MAP3K20: variants seen among roughly 807,000 people sequenced by gnomAD.
MAP3K20 encodes the protein mitogen-activated protein kinase kinase kinase 20.
In MAP3K20, 40 loss-of-function variants were observed where a neutral mutation model predicts 85.7. The ratio of observed to expected loss-of-function variants is 0.47; its 90% CI spans 0.36 to 0.61. MAP3K20 has a LOEUF of 0.61. MAP3K20 is among the 20% of genes least tolerant of loss of function. The pLI, the probability that MAP3K20 is intolerant of heterozygous loss-of-function variation, is 0.00. For synonymous variants in MAP3K20, 325 were observed against 327.7 expected (o/e 0.99, Z 0.09); for missense variants, 817 against 961.7 (o/e 0.85, Z 1.99).
At chr2:173,230,141 GT>G (rs1369599856) in intron 12 of MAP3K20, among the ~76,000 whole-genome samples, 2 of 151,912 alleles carry the variant, frequency 1.3e-5, no homozygotes, top group Non-Finnish European at 2.9e-5. Context: ...CTTTTTTTCT[GT>G]TTTTAATGCA....
At chr2:173,100,483 G>A (rs541898680) in intron 2 of MAP3K20, among the ~76,000 whole-genome samples, 19 of 152,232 alleles carry the variant, frequency 1.2e-4, no homozygotes, top group South Asian at 1.2e-3. Context: ...GTATTGTGTC[G>A]CAGTGGACAT....
chr2:173,232,582 C>A, intron 14 of MAP3K20, 123 bp downstream of exon 14: 1 of 1,395,992 alleles, frequency 7.2e-7, no homozygotes, highest in Non-Finnish European at 9.7e-7. Context: ...TGGCTCGTTG[C>A]ACCCTCCGCC....
chr2:173,147,019 T>C (rs966399192), intron 2 of MAP3K20, among the ~76,000 whole-genome samples: 1 of 152,246 alleles, frequency 6.6e-6, no homozygotes, highest in African/African-American at 2.4e-5. Flanking sequence ...TGGATACTTA[T>C]TTGAATTCTT....
intron 2 of MAP3K20, among the ~76,000 whole-genome samples, chr2:173,128,885 C>CAA (rs1271921984): frequency 1.3e-5 from 2 of 148,848 alleles, no homozygotes; most frequent in African/African-American, 4.9e-5. Flanking sequence ...TTCAAGGAAC[C>CAA]AAAAACATTC....
chr2:173,143,806 G>A (rs1689045189), intron 2 of MAP3K20, among the ~76,000 whole-genome samples: 1 of 152,018 alleles, frequency 6.6e-6, no homozygotes, highest in Non-Finnish European at 1.5e-5. Context: ...TACTAGGACT[G>A]ATCAATTTAT....
chr2:173,123,929 A>T (rs74827629), intron 2 of MAP3K20, among the ~76,000 whole-genome samples: 1 of 152,148 alleles, frequency 6.6e-6, no homozygotes. Context: ...GCTTCATTGC[A>T]CTCAAAAGAA....
intron 4 of MAP3K20, among the ~76,000 whole-genome samples, chr2:173,183,179 A>G (rs916480044): frequency 1.5e-4 from 23 of 152,064 alleles, no homozygotes; most frequent in African/African-American, 4.8e-4. Flanking sequence ...CTTTATTTCT[A>G]TCCACGAAAT....
rs57836780 is a variant in MAP3K20, at chr2:173,173,154, CTGTGTGTGTGTG to C, written c.247+3294_247+3305del. ...CTGTACTACTCCCATTCTTTTATTT[CTGTGTGTGTGTG>C]TGTGTGTGTGTGTGTGTGTGTGTGT... On this transcript the variant is annotated intron_variant, in intron 3 of 19. Coordinates refer to ENST00000375213, the MANE Select transcript of MAP3K20 (RefSeq NM_016653.3). Among the ~76,000 whole-genome samples, 1,318 of 138,602 alleles carry C rather than the reference CTGTGTGTGTGTG, an allele frequency of 9.5e-3. 21 individuals are homozygous for C. The highest frequency in any genetic ancestry group is 0.057 in the East Asian group (276 of 4,804). 90.9% of individuals were successfully genotyped at this position (138,602 alleles called of 152,430 possible). A position where few individuals can be genotyped will look rare whatever the true frequency, so the allele number is the denominator to read the frequency against.
chr2:173,143,432 T>C (rs1396952151), intron 2 of MAP3K20, among the ~76,000 whole-genome samples: 1 of 152,200 alleles, frequency 6.6e-6, no homozygotes, highest in Non-Finnish European at 1.5e-5. Flanking sequence ...AACTGAGACA[T>C]TATACTTAAC....
At chr2:173,087,278 G>A (rs1687169377) in intron 1 of MAP3K20, among the ~76,000 whole-genome samples, 1 of 152,182 alleles carries the variant, frequency 6.6e-6, no homozygotes, top group Non-Finnish European at 1.5e-5. Flanking sequence ...CTGTGCTCAG[G>A]AGACTCAAAG....
intron 16 of MAP3K20, among the ~76,000 whole-genome samples, chr2:173,251,667 G>A (rs147240446): frequency 6.2e-4 from 94 of 152,316 alleles, no homozygotes; most frequent in African/African-American, 2.2e-3. Flanking sequence ...GAATAGGCAC[G>A]AGGGAAGGTT....
chr2:173,147,964 G>T (rs1057318970), intron 2 of MAP3K20, among the ~76,000 whole-genome samples: 1 of 152,162 alleles, frequency 6.6e-6, no homozygotes, highest in Non-Finnish European at 1.5e-5. Flanking sequence ...TAAAAAAGTT[G>T]TCTGATTTTG....
rs567520984 is a variant in MAP3K20, at chr2:173,224,237, T to C, written c.988-5452T>C. On this transcript the variant is annotated intron_variant, in intron 11 of 19. Coordinates refer to ENST00000375213, the MANE Select transcript of MAP3K20 (RefSeq NM_016653.3). Reference sequence around the variant, plus strand: ...ACTGATAAGGTAACATTTGAGCAAGTCTGAAAAAGGCAAGGGGATCTTTGG... The same window carrying C: ...ACTGATAAGGTAACATTTGAGCAAGCCTGAAAAAGGCAAGGGGATCTTTGG... The C allele has an allele frequency of 1.7e-5, 17 of 984,802 alleles. No individual in the cohort carries two copies. The South Asian group carries it at 6.6e-4, about 38-fold the overall frequency. 61.0% of individuals were successfully genotyped at this position (984,802 alleles called of 1,614,324 possible). A position where few individuals can be genotyped will look rare whatever the true frequency, so the allele number is the denominator to read the frequency against.
intron 1 of MAP3K20, among the ~76,000 whole-genome samples, chr2:173,084,786 C>T (rs1451291447): frequency 6.6e-6 from 1 of 152,108 alleles, no homozygotes; most frequent in African/African-American, 2.4e-5. Flanking sequence ...CCATAATTTC[C>T]ATTAATTGCA....
At chr2:173,212,171 T>C (rs1467709743) in intron 10 of MAP3K20, 3 of 152,150 alleles carry the variant, frequency 2.0e-5, no homozygotes, top group African/African-American at 7.2e-5. Flanking sequence ...CTTATGTTCA[T>C]TCATTCATTA....
chr2:173,081,811 G>A (rs1341639008), intron 1 of MAP3K20, among the ~76,000 whole-genome samples: 1 of 152,186 alleles, frequency 6.6e-6, no homozygotes, highest in South Asian at 2.1e-4. Context: ...AAAGGAGGGA[G>A]ACCGTCTATA....
At chr2:173,150,762 C>T (rs1349746606) in intron 2 of MAP3K20, among the ~76,000 whole-genome samples, 1 of 152,086 alleles carries the variant, frequency 6.6e-6, no homozygotes, top group Non-Finnish European at 1.5e-5. Flanking sequence ...GACGGGGTTT[C>T]ACCGTGTTGG....
At chr2:173,152,952 G>C (rs929507127) in intron 2 of MAP3K20, among the ~76,000 whole-genome samples, 1 of 152,148 alleles carries the variant, frequency 6.6e-6, no homozygotes, top group Non-Finnish European at 1.5e-5. Context: ...TTAATCTTAA[G>C]AGTTCAGAGT....
chr2:173,226,385 TTCA>T (rs1181958589), intron 11 of MAP3K20: 6 of 985,292 alleles, frequency 6.1e-6, no homozygotes, highest in Non-Finnish European at 7.2e-6. Context: ...GTAGCAGAGT[TTCA>T]TCATACCACA....
Sources: allele counts gnomAD v4.1 joint callset (sites outside exome capture counted in the v4.1 genomes callset), GRCh38; gene constraint gnomAD v4.1.1; transcripts MANE v1.5; gene names NCBI Gene and HGNC (gene_info 2026-07-23, HGNC 2026-07-21).